The following NRXN3 variants were observed in gnomAD, a reference collection of about 807,000 sequenced individuals.
The protein encoded by NRXN3 is neurexin 3, also known as neurexin III.
NRXN3 carries 32 observed loss-of-function variants against 137.6 expected under a neutral mutation model. That is an observed-to-expected ratio of 0.23 (90% confidence interval 0.18 to 0.31). NRXN3 has a LOEUF of 0.31. Ranked by LOEUF, NRXN3 falls within the 10% of genes least tolerant of loss-of-function variation. NRXN3 has a pLI of 1.00. For missense variants in NRXN3, 1,574 were observed against 2,062.5 expected, an observed-to-expected ratio of 0.76 and a Z score of 4.59; for synonymous variants, 798 against 784.5, an observed-to-expected ratio of 1.02 and a Z score of -0.29.
At chr14:79,478,958 T>C (rs190298655) in intron 16 of NRXN3, among the ~76,000 whole-genome samples, 50 of 152,192 alleles carry the variant, frequency 3.3e-4, no homozygotes, top group Non-Finnish European at 1.3e-4. Flanking sequence ...CCTCACCTTT[T>C]GGAGCTTCAG....
intron 8 of NRXN3, among the ~76,000 whole-genome samples, chr14:78,732,297 T>G (rs2098519735): frequency 6.6e-6 from 1 of 152,144 alleles, no homozygotes; most frequent in East Asian, 1.9e-4. Context: ...TGGAAGGGAC[T>G]GCAAAGTCAC....
chr14:79,015,024 T>A (rs1478308945), intron 15 of NRXN3, among the ~76,000 whole-genome samples: 1 of 152,130 alleles, frequency 6.6e-6, no homozygotes, highest in Non-Finnish European at 1.5e-5. Context: ...CCACTGTCAA[T>A]GCCTTCCCTC....
At chr14:78,605,227 C>G (rs1182682996) in intron 4 of NRXN3, among the ~76,000 whole-genome samples, 2 of 152,150 alleles carry the variant, frequency 1.3e-5, no homozygotes, top group African/African-American at 4.8e-5. Flanking sequence ...GATGAGACAA[C>G]TCACCTTTGA....
intron 20 of NRXN3, among the ~76,000 whole-genome samples, chr14:79,823,321 G>T (rs1447884181): frequency 6.6e-6 from 1 of 152,044 alleles, no homozygotes; most frequent in African/African-American, 2.4e-5. Context: ...GAGACTTAAG[G>T]TCCTGAATCA....
At chr14:78,572,405 C>T (rs111350403) in intron 4 of NRXN3, among the ~76,000 whole-genome samples, 7 of 152,212 alleles carry the variant, frequency 4.6e-5, no homozygotes, top group African/African-American at 1.2e-4. Flanking sequence ...TTCAGTGTGT[C>T]GAGATGCCAG....
intron 4 of NRXN3, among the ~76,000 whole-genome samples, chr14:78,514,525 TCTGA>T (rs572730216): frequency 2.8e-4 from 42 of 152,290 alleles, no homozygotes; most frequent in Middle Eastern, 6.8e-3. Context: ...TGTAATGGTT[TCTGA>T]CTGACAGTTT....
chr14:79,443,111 C>G (rs890612568), intron 15 of NRXN3, among the ~76,000 whole-genome samples: 2 of 152,220 alleles, frequency 1.3e-5, no homozygotes, highest in South Asian at 4.1e-4. Flanking sequence ...ATCTTCTATA[C>G]AGCTACAGTA....
At chr14:79,852,234 AACACACACACACACACACACACACACAC>A (rs45581833) in intron 20 of NRXN3, among the ~76,000 whole-genome samples, 1 of 128,184 alleles carries the variant, frequency 7.8e-6, no homozygotes, top group Admixed American at 8.4e-5. Context: ...TTCAACTCCC[AACACACACACACACACACACACACACAC>A]ACACACACAC....
At chr14:78,624,837 T>G (rs868731330) in intron 4 of NRXN3, among the ~76,000 whole-genome samples, 2 of 148,430 alleles carry the variant, frequency 1.3e-5, no homozygotes, top group Non-Finnish European at 3.0e-5. Context: ...GTGTGTTTGT[T>G]TGTTTGTTTG....
chr14:79,177,488 TGATAAA>T (rs2062462867), intron 15 of NRXN3, among the ~76,000 whole-genome samples: 1 of 152,214 alleles, frequency 6.6e-6, no homozygotes, highest in South Asian at 2.1e-4. Context: ...TAAGATGCTT[TGATAAA>T]TTTTTGTGTC....
At chr14:79,499,829 G>A (rs892757099) in intron 16 of NRXN3, among the ~76,000 whole-genome samples, 1 of 152,060 alleles carries the variant, frequency 6.6e-6, no homozygotes, top group African/African-American at 2.4e-5. Flanking sequence ...TCATGATATG[G>A]ACTGACTCAT....
intron 8 of NRXN3, among the ~76,000 whole-genome samples, chr14:78,743,101 C>G (rs1290401858): frequency 6.6e-6 from 1 of 152,034 alleles, no homozygotes; most frequent in Non-Finnish European, 1.5e-5. Flanking sequence ...GGTCAAACAT[C>G]AAAGCAAAAA....
intron 19 of NRXN3, among the ~76,000 whole-genome samples, chr14:79,768,122 A>G (rs905888784): frequency 6.6e-6 from 1 of 152,166 alleles, no homozygotes; most frequent in Non-Finnish European, 1.5e-5. Flanking sequence ...GGAGGGTCCT[A>G]CGCCCACGGA....
At chr14:79,838,317 T>G (rs1367882154) in intron 20 of NRXN3, among the ~76,000 whole-genome samples, 1 of 152,162 alleles carries the variant, frequency 6.6e-6, no homozygotes, top group Admixed American at 6.5e-5. Flanking sequence ...GAGCAGACAT[T>G]CTCCCAGGGA....
At chr14:78,994,392 A>C (rs1008530424) in intron 15 of NRXN3, among the ~76,000 whole-genome samples, 1 of 151,552 alleles carries the variant, frequency 6.6e-6, no homozygotes, top group Admixed American at 6.6e-5. Flanking sequence ...TTCAAGATAT[A>C]AAAAAAAATT....
Position 78,510,040 on chromosome 14 carries a change from T to TTATATATATATATATATATA in NRXN3, c.758-135061_758-135060insATATATATATATATATATAT, listed in dbSNP as rs57232548. ...AAGGCAGCCAGAACATGACAAAATT[T>TTATATATATATATATATATA]TATATATATATATATATATTTTGGC... On this transcript the variant is annotated intron_variant, in intron 4 of 20. Transcript: ENST00000335750. Among the ~76,000 whole-genome samples the TTATATATATATATATATATA allele has an allele frequency of 2.1e-3, 301 of 144,456 alleles. 7 individuals carry two copies. Among genetic ancestry groups the TTATATATATATATATATATA allele is most frequent in the South Asian group, 0.02 (92 of 4,514 alleles). The allele number at this position is 144,456 out of a possible 152,430, so 94.8% of individuals were successfully genotyped here.
intron 16 of NRXN3, among the ~76,000 whole-genome samples, chr14:79,660,796 T>A (rs138466658): frequency 2.0e-4 from 31 of 152,238 alleles, no homozygotes; most frequent in African/African-American, 6.3e-4. Context: ...TGGTTTCTCA[T>A]TGAAGAACAG....
chr14:79,158,176 T>C (rs2060430468), intron 15 of NRXN3, among the ~76,000 whole-genome samples: 1 of 151,824 alleles, frequency 6.6e-6, no homozygotes, highest in Non-Finnish European at 1.5e-5. Flanking sequence ...CTGTGTATAC[T>C]CTCTTTCAGA....
intron 15 of NRXN3, among the ~76,000 whole-genome samples, chr14:79,273,172 C>CAAAAAAAAAAAAAAA (rs1163073631): frequency 2.4e-4 from 5 of 20,748 alleles, no homozygotes; most frequent in Non-Finnish European, 3.1e-4. Context: ...ACTCTGTGGC[C>CAAAAAAAAAAAAAAA]AAAAAAAAAA....
Sources: allele counts gnomAD v4.1 joint callset (sites outside exome capture counted in the v4.1 genomes callset), GRCh38; gene constraint gnomAD v4.1.1; transcripts MANE v1.5; gene names NCBI Gene and HGNC (gene_info 2026-07-23, HGNC 2026-07-21).